The following ARL3 variants were observed in gnomAD, a reference collection of about 807,000 sequenced individuals.
ARL3 encodes ADP-ribosylation factor-like protein 3.
Under a neutral mutation model 26.0 loss-of-function variants are expected in ARL3, and 9 were observed. The observed-to-expected ratio is 0.35, with a 90% CI of 0.21 to 0.60. The LOEUF (loss-of-function observed/expected upper bound fraction) is 0.60. Among genes scored for constraint, ARL3 ranks in the 20% least tolerant of loss-of-function variants. The pLI is 0.78. For synonymous variants in ARL3, 71 were observed against 78.4 expected (o/e 0.91, Z 0.50); for missense variants, 158 against 215.7 (o/e 0.73, Z 1.67).
intron 5 of ARL3, among the ~76,000 whole-genome samples, chr10:102,684,702 G>A (rs2064173429): frequency 6.6e-6 from 1 of 151,342 alleles, no homozygotes; most frequent in African/African-American, 2.4e-5. Context: ...GCAGTGATGC[G>A]ATCTTGGCTC....
At chr10:102,701,750 A>G (rs2064280468) in intron 2 of ARL3, among the ~76,000 whole-genome samples, 1 of 152,238 alleles carries the variant, frequency 6.6e-6, no homozygotes, top group African/African-American at 2.4e-5. Context: ...TTAAACAGCT[A>G]TAAGTCATGA....
At chr10:102,700,445 G>A (rs1298382478) in intron 2 of ARL3, among the ~76,000 whole-genome samples, 7 of 145,458 alleles carry the variant, frequency 4.8e-5, no homozygotes, top group Non-Finnish European at 9.0e-5. Flanking sequence ...GAACTATGAT[G>A]AACTTGAACT....
intron 3 of ARL3, among the ~76,000 whole-genome samples, chr10:102,692,297 C>T (rs956784741): frequency 6.6e-6 from 1 of 152,354 alleles, no homozygotes; most frequent in South Asian, 2.1e-4. Context: ...GTATTTCTTT[C>T]AAGATACCTT....
At chr10:102,694,082 C>T (rs1419568764) in intron 3 of ARL3, among the ~76,000 whole-genome samples, 3 of 152,070 alleles carry the variant, frequency 2.0e-5, no homozygotes, top group Non-Finnish European at 4.4e-5. Flanking sequence ...CTGCCTCCCA[C>T]GTTCACGCCA....
chr10:102,705,790 C>T (rs1374972172), intron 1 of ARL3, among the ~76,000 whole-genome samples: 6 of 152,120 alleles, frequency 3.9e-5, no homozygotes, highest in Non-Finnish European at 7.3e-5. Flanking sequence ...GTTCCTAAAG[C>T]CCTTTACATA....
intron 3 of ARL3, among the ~76,000 whole-genome samples, chr10:102,692,937 C>G (rs2064227308): frequency 6.6e-6 from 1 of 152,180 alleles, no homozygotes; most frequent in South Asian, 2.1e-4. Context: ...ACCTCGTGAT[C>G]TGCCCGCCTT....
chr10:102,708,908 A>ATATATATATATTTTTTT, intron 1 of ARL3, among the ~76,000 whole-genome samples: 17 of 95,316 alleles, frequency 1.8e-4, no homozygotes, highest in African/African-American at 6.7e-4. Flanking sequence ...ATATATATAT[A>ATATATATATATTTTTTT]TTTTTTTTTT....
intron 1 of ARL3, among the ~76,000 whole-genome samples, chr10:102,710,990 G>C (rs2064335873): frequency 6.6e-6 from 1 of 152,212 alleles, no homozygotes; most frequent in African/African-American, 2.4e-5. Context: ...ATATGTGGTT[G>C]TGAGGACCAG....
chr10:102,697,579 G>A (rs2064255813), intron 3 of ARL3, among the ~76,000 whole-genome samples: 1 of 152,228 alleles, frequency 6.6e-6, no homozygotes, highest in East Asian at 1.9e-4. Flanking sequence ...AAGTTCAGGG[G>A]AGAATTCCAG....
At chr10:102,688,878 A>C (rs1490398817) in intron 4 of ARL3, among the ~76,000 whole-genome samples, 1 of 152,208 alleles carries the variant, frequency 6.6e-6, no homozygotes, top group East Asian at 1.9e-4. Flanking sequence ...GGTATTGAAA[A>C]ATGTAAATAA....
chr10:102,708,435 TTAAAA>T (rs1183483282), intron 1 of ARL3, among the ~76,000 whole-genome samples: 1 of 152,190 alleles, frequency 6.6e-6, no homozygotes, highest in African/African-American at 2.4e-5. Flanking sequence ...TCATTACCTC[TTAAAA>T]TAAATTATAA....
Position 102,677,050 on chromosome 10 carries a change from G to A in ARL3, c.502-109C>T, listed in dbSNP as rs1039920368. On this transcript the variant is annotated intron_variant, in intron 5 of 5. Coordinates refer to ENST00000260746, the MANE Select transcript of ARL3 (RefSeq NM_004311.4). ...GGTCCCAGGCCCTCCCTCCCAGACCGCCAGCTTTAGGGAGTTTGCTTGGCT... is the reference window on the plus strand; with the variant it reads ...GGTCCCAGGCCCTCCCTCCCAGACCACCAGCTTTAGGGAGTTTGCTTGGCT... The A allele has an allele frequency of 6.1e-5, 77 of 1,264,562 alleles. No homozygotes were observed. The African/African-American group carries it at 8.9e-4, about 15-fold the overall frequency. 78.3% of individuals were successfully genotyped at this position (1,264,562 alleles called of 1,614,324 possible). A position where few individuals can be genotyped will look rare whatever the true frequency, so the allele number is the denominator to read the frequency against.
At chr10:102,677,575 T>C (rs2064136451) in intron 5 of ARL3, among the ~76,000 whole-genome samples, 1 of 152,162 alleles carries the variant, frequency 6.6e-6, no homozygotes, top group Admixed American at 6.5e-5. Flanking sequence ...CACAATGACC[T>C]TGAAAGCGCC....
intron 3 of ARL3, 36 bp downstream of exon 3, chr10:102,699,337 A>C: frequency 7.7e-7 from 1 of 1,296,858 alleles, no homozygotes; most frequent in Non-Finnish European, 1.1e-6. Context: ...CATGGCAGAA[A>C]ATACTATGAA....
intron 2 of ARL3, 51 bp downstream of exon 2, chr10:102,705,295 T>G (rs371858668): frequency 6.6e-7 from 1 of 1,505,126 alleles, no homozygotes. Flanking sequence ...TTCACATTGC[T>G]ATTATCGTCT....
At chr10:102,699,514 G>T in intron 2 of ARL3, 25 bp from the exon 3 acceptor site, 1 of 1,356,450 alleles carries the variant, frequency 7.4e-7, no homozygotes. Context: ...AAAACATCAA[G>T]TTTTATTAAA....
chr10:102,685,610 T>A (rs2064179665), intron 5 of ARL3, among the ~76,000 whole-genome samples: 1 of 152,190 alleles, frequency 6.6e-6, no homozygotes, highest in African/African-American at 2.4e-5. Context: ...GGAAGCTTGC[T>A]GCACATGTGG....
At chr10:102,686,451 CT>C (rs1165262040) in intron 4 of ARL3, among the ~76,000 whole-genome samples, 81 of 144,296 alleles carry the variant, frequency 5.6e-4, no homozygotes, top group Middle Eastern at 3.8e-3. Context: ...GATTCTCAAA[CT>C]TTTTTTTTTC....
intron 1 of ARL3, among the ~76,000 whole-genome samples, chr10:102,708,566 A>AT (rs1157451486): frequency 5.3e-5 from 8 of 151,848 alleles, no homozygotes; most frequent in Admixed American, 5.3e-4. Context: ...TTTAAAAAAA[A>AT]TTTTTTTTGG....
Sources: allele counts gnomAD v4.1 joint callset (sites outside exome capture counted in the v4.1 genomes callset), GRCh38; gene constraint gnomAD v4.1.1; transcripts MANE v1.5; gene names NCBI Gene and HGNC (gene_info 2026-07-23, HGNC 2026-07-21).